Variants in FRMD6 observed in about 807,000 individuals in gnomAD.
FRMD6 encodes the protein FERM domain containing 6.
A neutral mutation model predicts 73.2 loss-of-function variants in FRMD6; 37 were observed. The observed-to-expected ratio is 0.51, with a 90% CI of 0.39 to 0.66. The LOEUF (loss-of-function observed/expected upper bound fraction) is 0.66, where lower values mean the gene tolerates loss of function less well. Ranked by LOEUF, FRMD6 falls within the 30% of genes least tolerant of loss-of-function variation. The pLI, the probability that FRMD6 is intolerant of heterozygous loss-of-function variation, is 0.00. For synonymous variants in FRMD6, 273 were observed against 282.2 expected (o/e 0.97, Z 0.33); for missense variants, 714 against 780.5 (o/e 0.91, Z 1.02).
At chr14:51,467,120 C>T in the FRMD6 span, among the ~76,000 whole-genome samples, 1 of 152,158 alleles carries the variant, frequency 6.6e-6, no homozygotes, top group South Asian at 2.1e-4. Flanking sequence ...TGCCGCCTTC[C>T]GCAGTGTTTG....
intron 1 of FRMD6, among the ~76,000 whole-genome samples, chr14:51,536,641 T>C (rs867229191): frequency 2.2e-4 from 34 of 151,824 alleles, no homozygotes; most frequent in Admixed American, 1.2e-3. Flanking sequence ...GGTCTCGAAC[T>C]CCTGACCTCA....
chr14:51,550,149 G>C (rs987353401), intron 1 of FRMD6, among the ~76,000 whole-genome samples: 5 of 152,190 alleles, frequency 3.3e-5, no homozygotes, highest in African/African-American at 9.7e-5. Context: ...ACAACATGAA[G>C]AAATTCACTC....
chr14:51,673,469 C>T (rs1894167186), intron 1 of FRMD6, among the ~76,000 whole-genome samples: 1 of 152,124 alleles, frequency 6.6e-6, no homozygotes, highest in Admixed American at 6.6e-5. Context: ...TTTTGGATTC[C>T]TTTCCTCACT....
intron 1 of FRMD6, among the ~76,000 whole-genome samples, chr14:51,671,082 C>G (rs774366769): frequency 3.9e-5 from 6 of 152,084 alleles, no homozygotes; most frequent in African/African-American, 1.4e-4. Context: ...ACCAATCTTG[C>G]GTTCCTGGAA....
chr14:51,499,144 A>G (rs1242406527), intron 1 of FRMD6, among the ~76,000 whole-genome samples: 1 of 152,182 alleles, frequency 6.6e-6, no homozygotes, highest in Non-Finnish European at 1.5e-5. Context: ...ATCCCTTGCA[A>G]TAGATAACGT....
At chr14:51,696,989 C>T (rs1204372015) in intron 2 of FRMD6, among the ~76,000 whole-genome samples, 1 of 152,052 alleles carries the variant, frequency 6.6e-6, no homozygotes, top group Non-Finnish European at 1.5e-5. Context: ...GTTAGAATGG[C>T]TATTATCAAA....
intron 1 of FRMD6, among the ~76,000 whole-genome samples, chr14:51,500,475 C>G (rs1272686246): frequency 6.6e-6 from 1 of 151,878 alleles, no homozygotes; most frequent in African/African-American, 2.4e-5. Context: ...GGCAGTGAGC[C>G]AAGATCGTGC....
chr14:51,560,640 A>G (rs192623781), intron 1 of FRMD6, among the ~76,000 whole-genome samples: 106 of 152,270 alleles, frequency 7.0e-4, no homozygotes, highest in African/African-American at 2.5e-3. Flanking sequence ...ATGTGCCACC[A>G]TACCCGGCTA....
At chr14:51,674,329 T>A (rs915658102) in intron 1 of FRMD6, among the ~76,000 whole-genome samples, 62 of 152,294 alleles carry the variant, frequency 4.1e-4, no homozygotes, top group African/African-American at 1.4e-3. Flanking sequence ...TGCCTGTGAA[T>A]CAGAGATAAG....
chr14:51,459,904 T>TTTTTTTTTTTTTTA, the FRMD6 span, among the ~76,000 whole-genome samples: 3 of 146,116 alleles, frequency 2.1e-5, no homozygotes, highest in East Asian at 2.0e-4. Context: ...TTTTTTTTTT[T>TTTTTTTTTTTTTTA]ACAAACTTCG....
intron 1 of FRMD6, among the ~76,000 whole-genome samples, chr14:51,681,805 G>T (rs1353805538): frequency 6.6e-6 from 1 of 152,118 alleles, no homozygotes; most frequent in African/African-American, 2.4e-5. Context: ...TATAAAATAT[G>T]CTTCAAATTA....
At position 51,722,024 on chromosome 14, in the gene FRMD6, T is replaced by C. The variant is rs752504588; in HGVS notation, c.1436T>C (p.Met479Thr). ...GAGTCTCTGGAAGTCAGCCCAGACATGTGCATCTACATCACAGAGGACATG... is the reference window on the plus strand; with the variant it reads ...GAGTCTCTGGAAGTCAGCCCAGACACGTGCATCTACATCACAGAGGACATG... ...NEESLEVSPDMCIYITEDMLM... is the reference protein window; with the variant it reads ...NEESLEVSPDTCIYITEDMLM... Residue 479 changes from methionine (M) to threonine (T), a missense_variant, in exon 12 of 14, where the codon ATG becomes ACG. Coordinates refer to ENST00000344768, the MANE Select transcript of FRMD6 (RefSeq NM_001267046.2). 7 of 1,614,000 alleles carry C rather than the reference T, an allele frequency of 4.3e-6. No homozygotes were observed. Among genetic ancestry groups the C allele is most frequent in the African/African-American group, 2.7e-5 (2 of 74,896 alleles).
At chr14:51,410,531 C>G in the FRMD6 span, among the ~76,000 whole-genome samples, 1 of 152,172 alleles carries the variant, frequency 6.6e-6, no homozygotes, top group African/African-American at 2.4e-5. Flanking sequence ...AAGTCAAAAG[C>G]CATGCATATT....
At chr14:51,620,552 A>T (rs759164282) in intron 2 of FRMD6, among the ~76,000 whole-genome samples, 2 of 152,068 alleles carry the variant, frequency 1.3e-5, no homozygotes, top group Non-Finnish European at 2.9e-5. Flanking sequence ...CACCAGTCAG[A>T]CGTTTGCTTG....
intron 1 of FRMD6, among the ~76,000 whole-genome samples, chr14:51,562,205 A>T (rs1285194031): frequency 6.6e-6 from 1 of 152,226 alleles, no homozygotes; most frequent in Non-Finnish European, 1.5e-5. Flanking sequence ...AGGCTCTATG[A>T]TCAAAAATAA....
chr14:51,656,248 T>A (rs1892813707), intron 1 of FRMD6, among the ~76,000 whole-genome samples: 1 of 152,160 alleles, frequency 6.6e-6, no homozygotes, highest in African/African-American at 2.4e-5. Flanking sequence ...TACAGAACAC[T>A]GAGAAGGGGA....
At chr14:51,526,249 G>A (rs904617572) in intron 1 of FRMD6, among the ~76,000 whole-genome samples, 6 of 152,180 alleles carry the variant, frequency 3.9e-5, no homozygotes, top group Admixed American at 6.5e-5. Context: ...TAAAGGTGGA[G>A]CAAGTACTGT....
chr14:51,417,423 C>T, the FRMD6 span, among the ~76,000 whole-genome samples: 1 of 152,174 alleles, frequency 6.6e-6, no homozygotes, highest in South Asian at 2.1e-4. Flanking sequence ...CTTAGTTTGG[C>T]TGGATATGCA....
the FRMD6 span, among the ~76,000 whole-genome samples, chr14:51,451,390 G>A: frequency 6.6e-6 from 1 of 152,162 alleles, no homozygotes; most frequent in Non-Finnish European, 1.5e-5. Flanking sequence ...GTATATATAT[G>A]TATGATAGAG....
Sources: allele counts gnomAD v4.1 joint callset (sites outside exome capture counted in the v4.1 genomes callset), GRCh38; gene constraint gnomAD v4.1.1; transcripts MANE v1.5; gene names NCBI Gene and HGNC (gene_info 2026-07-23, HGNC 2026-07-21).